Variants in CSMD3 observed in about 807,000 individuals in gnomAD.
The protein encoded by CSMD3 is CUB and sushi domain-containing protein 3.
Under a neutral mutation model 435.2 loss-of-function variants are expected in CSMD3, and 177 were observed. That is an observed-to-expected ratio of 0.41 (90% confidence interval 0.36 to 0.46). CSMD3 has a LOEUF of 0.46. Among genes scored for constraint, CSMD3 ranks in the 20% least tolerant of loss-of-function variants. The probability of loss-of-function intolerance (pLI) is 0.34; values close to 1 mark genes in which losing one functional copy is unlikely to be tolerated. For synonymous variants in CSMD3, 1,656 were observed against 1,520.5 expected (o/e 1.09, Z -2.07); for missense variants, 4,265 against 4,504.6 (o/e 0.95, Z 1.52).
chr8:112,237,814 C>T (rs1813730345), intron 66 of CSMD3, among the ~76,000 whole-genome samples: 2 of 152,140 alleles, frequency 1.3e-5, no homozygotes, highest in African/African-American at 4.8e-5. Context: ...TGAGACAGTG[C>T]TTCTGTGTTC....
chr8:112,894,664 C>T (rs899756497), intron 10 of CSMD3, among the ~76,000 whole-genome samples: 1 of 150,964 alleles, frequency 6.6e-6, no homozygotes, highest in Admixed American at 6.6e-5. Context: ...TTTTAGTAAT[C>T]AAATACGCAA....
intron 38 of CSMD3, among the ~76,000 whole-genome samples, chr8:112,368,028 A>C (rs2131158612): frequency 1.3e-5 from 2 of 152,282 alleles, no homozygotes; most frequent in Middle Eastern, 3.4e-3. Context: ...GAACCTCAAA[A>C]ATTTTCTGAG....
intron 3 of CSMD3, among the ~76,000 whole-genome samples, chr8:113,236,125 C>T (rs1006161479): frequency 1.3e-5 from 2 of 152,108 alleles, no homozygotes; most frequent in African/African-American, 4.8e-5. Context: ...AAACACACCA[C>T]TAGGTGGAGA....
intron 2 of CSMD3, among the ~76,000 whole-genome samples, chr8:113,280,356 A>G (rs545750293): frequency 4.6e-5 from 7 of 151,908 alleles, no homozygotes; most frequent in African/African-American, 1.4e-4. Flanking sequence ...TTATTGGTCT[A>G]TTCAGGGTGT....
At chr8:112,904,440 G>T (rs2082198118) in intron 10 of CSMD3, among the ~76,000 whole-genome samples, 1 of 151,200 alleles carries the variant, frequency 6.6e-6, no homozygotes, top group Non-Finnish European at 1.5e-5. Context: ...TTTGAAAAAA[G>T]GTTTAAGATA....
intron 1 of CSMD3, among the ~76,000 whole-genome samples, chr8:113,316,693 A>T (rs917026337): frequency 1.4e-4 from 22 of 151,764 alleles, no homozygotes; most frequent in Middle Eastern, 3.2e-3. Context: ...GGGATTACAG[A>T]CATACGCCAC....
intron 2 of CSMD3, among the ~76,000 whole-genome samples, chr8:113,285,426 A>G (rs2093639601): frequency 6.6e-6 from 1 of 151,974 alleles, no homozygotes; most frequent in Non-Finnish European, 1.5e-5. Flanking sequence ...ACGCCCAGCT[A>G]AGTTTTTGTT....
intron 3 of CSMD3, among the ~76,000 whole-genome samples, chr8:113,218,775 T>C (rs2092934698): frequency 1.3e-5 from 2 of 151,320 alleles, no homozygotes; most frequent in African/African-American, 4.8e-5. Flanking sequence ...TTATCCAAAA[T>C]GCTTGGGGCC....
At chr8:112,261,842 A>G (rs995164047) in intron 61 of CSMD3, among the ~76,000 whole-genome samples, 9 of 151,808 alleles carry the variant, frequency 5.9e-5, no homozygotes, top group Admixed American at 3.9e-4. Flanking sequence ...ATTTTTTTCA[A>G]TCTCCTGAGA....
rs771470744 is a variant in CSMD3 at position 112,265,564 on chromosome 8, G to C, written c.9535C>G (p.Pro3179Ala). 1 of 1,613,264 alleles carries C rather than the reference G, an allele frequency of 6.2e-7. No individual in the cohort carries two copies. The highest frequency in any genetic ancestry group is 1.3e-5 in the African/African-American group (1 of 74,968). The change falls in exon 60 of 71, where the codon CCA (proline) becomes GCA (alanine). Residue 3179 changes from proline to alanine, a missense_variant. Physicochemically the swap from Pro to Ala is conservative, Grantham distance 27 (BLOSUM62 -1). Transcript: ENST00000297405. ...TCTCCATATCTCAGTCCATTGGCTG[G>C]TATACCTGGGTCTCCACAACTGATT... ...TIISCGDPGI[P>A]ANGLRYGDDY...
At chr8:112,566,996 T>A (rs1034985478) in intron 24 of CSMD3, among the ~76,000 whole-genome samples, 1 of 152,128 alleles carries the variant, frequency 6.6e-6, no homozygotes, top group African/African-American at 2.4e-5. Flanking sequence ...CTGTTCTCTT[T>A]GCTCTTTCTT....
chr8:112,249,724 A>G (rs1466372557), intron 63 of CSMD3, among the ~76,000 whole-genome samples: 1 of 152,074 alleles, frequency 6.6e-6, no homozygotes, highest in Non-Finnish European at 1.5e-5. Context: ...TGTTCAATTA[A>G]CATTGAACTT....
rs1363162088 is a variant in CSMD3 at position 112,494,511 on chromosome 8, C to A, written c.5084-1828G>T. ...CTTTCTCTCCTTTCTTTCTTTCTTT[C>A]TTTCTTTCTTTCTTTCTTTCTTTCT... On this transcript the variant is annotated intron_variant, in intron 30 of 70. Transcript: ENST00000297405. Among the ~76,000 whole-genome samples, 5 of 73,126 alleles carry A rather than the reference C, an allele frequency of 6.8e-5. 1 individual carries two copies. Among genetic ancestry groups the A allele is most frequent in the Admixed American group, 6.6e-4 (5 of 7,538 alleles). The allele number at this position is 73,126 out of a possible 152,430, so 48.0% of individuals were successfully genotyped here.
rs2083202835 is a variant in CSMD3, at chr8:112,934,072, T to C, written c.1509-12321A>G. ...CCCAATGTCTGCAGTGGGTACACAG[T>C]GGGTATTGGCTGAGTACATGAGTGG... On this transcript the variant is annotated intron_variant, in intron 9 of 70. Transcript: ENST00000297405. Among the ~76,000 whole-genome samples, 3 of 152,148 alleles carry C rather than the reference T, an allele frequency of 2.0e-5. No individual in the cohort carries two copies. In the South Asian group the frequency reaches 6.2e-4, roughly 32 times the overall value.
At chr8:112,723,847 GT>G (rs1206178756) in intron 13 of CSMD3, among the ~76,000 whole-genome samples, 3 of 151,918 alleles carry the variant, frequency 2.0e-5, no homozygotes, top group Admixed American at 1.3e-4. Flanking sequence ...ACACAGCATG[GT>G]ACATACTAGG....
At chr8:113,140,993 A>G (rs143105763) in intron 4 of CSMD3, among the ~76,000 whole-genome samples, 1 of 150,856 alleles carries the variant, frequency 6.6e-6, no homozygotes, top group Non-Finnish European at 1.5e-5. Context: ...TTATTGACAT[A>G]AGGAATGGAA....
chr8:113,165,146 A>C (rs2092125407), intron 4 of CSMD3, among the ~76,000 whole-genome samples: 1 of 152,162 alleles, frequency 6.6e-6, no homozygotes, highest in Admixed American at 6.5e-5. Context: ...CTGTCAATAT[A>C]TTCTTGGCTA....
intron 1 of CSMD3, among the ~76,000 whole-genome samples, chr8:113,322,758 T>G (rs930876963): frequency 6.6e-6 from 1 of 152,186 alleles, no homozygotes; most frequent in African/African-American, 2.4e-5. Flanking sequence ...GGCTTTTTTT[T>G]ATTTTTGAGA....
intron 22 of CSMD3, among the ~76,000 whole-genome samples, chr8:112,622,570 A>G (rs1428053847): frequency 6.6e-6 from 1 of 152,112 alleles, no homozygotes; most frequent in Admixed American, 6.6e-5. Flanking sequence ...TGTGTTTTCA[A>G]CGTCACATTT....
Sources: allele counts gnomAD v4.1 joint callset (sites outside exome capture counted in the v4.1 genomes callset), GRCh38; gene constraint gnomAD v4.1.1; transcripts MANE v1.5; gene names NCBI Gene and HGNC (gene_info 2026-07-23, HGNC 2026-07-21).